Variants in TMEM117 observed in about 807,000 individuals in gnomAD.
TMEM117 encodes the protein transmembrane protein 117.
A neutral mutation model predicts 52.4 loss-of-function variants in TMEM117; 27 were observed. The observed-to-expected ratio is 0.51, with a 90% confidence interval of 0.38 to 0.71. The LOEUF is 0.71. Ranked by LOEUF, TMEM117 falls within the 30% of genes least tolerant of loss-of-function variation. The pLI is 0.00. For missense variants in TMEM117, 556 were observed against 630.5 expected (o/e 0.88, Z 1.26); for synonymous variants, 215 against 206.3 (o/e 1.04, Z -0.36).
chr12:44,123,343 A>G (rs1399524602), intron 3 of TMEM117, among the ~76,000 whole-genome samples: 2 of 151,770 alleles, frequency 1.3e-5, no homozygotes. Context: ...CCCATTCTGT[A>G]GGTTGTCTGT....
At chr12:43,870,102 A>T (rs1943677156) in intron 2 of TMEM117, among the ~76,000 whole-genome samples, 1 of 152,146 alleles carries the variant, frequency 6.6e-6, no homozygotes, top group Admixed American at 6.5e-5. Context: ...ACATGATCTC[A>T]TTCCTTTTTA....
chr12:44,264,938 C>T (rs1239957832), intron 5 of TMEM117, among the ~76,000 whole-genome samples: 1 of 151,948 alleles, frequency 6.6e-6, no homozygotes, highest in East Asian at 1.9e-4. Context: ...TATAATTTGC[C>T]CCAAAAGTGA....
At chr12:43,802,173 T>C in the TMEM117 span, 5 of 636,114 alleles carry the variant, frequency 7.9e-6, no homozygotes, top group Admixed American at 8.1e-5. Context: ...TTCCTCATGA[T>C]CATTCCCTTC....
intron 3 of TMEM117, among the ~76,000 whole-genome samples, chr12:44,017,252 T>TGTGTGTGTGTGTGTGTGTGTGTG (rs1565793575): frequency 3.3e-5 from 5 of 151,686 alleles, no homozygotes; most frequent in Non-Finnish European, 4.4e-5. Context: ...TGTGTGTGTG[T>TGTGTGTGTGTGTGTGTGTGTGTG]TTTAGGTGAT....
intron 3 of TMEM117, among the ~76,000 whole-genome samples, chr12:44,080,485 T>A (rs1947464330): frequency 6.6e-6 from 1 of 152,040 alleles, no homozygotes; most frequent in African/African-American, 2.4e-5. Flanking sequence ...AAATTCAAGA[T>A]GAGATTTGGG....
chr12:44,362,039 G>A (rs1301697523), intron 6 of TMEM117, among the ~76,000 whole-genome samples: 2 of 152,026 alleles, frequency 1.3e-5, no homozygotes, highest in African/African-American at 2.4e-5. Flanking sequence ...CTTTTTCAAG[G>A]GCTAGATCAT....
At chr12:44,039,428 A>G (rs943445987) in intron 3 of TMEM117, among the ~76,000 whole-genome samples, 4 of 150,628 alleles carry the variant, frequency 2.7e-5, no homozygotes, top group Admixed American at 1.3e-4. Context: ...TTATTAGGGC[A>G]GGAGTTCCCA....
At chr12:44,235,435 G>A (rs1163735620) in intron 5 of TMEM117, among the ~76,000 whole-genome samples, 1 of 149,972 alleles carries the variant, frequency 6.7e-6, no homozygotes, top group Non-Finnish European at 1.5e-5. Context: ...TGATATACTT[G>A]GATTTAAATC....
chr12:43,994,070 G>C (rs1321368300), intron 3 of TMEM117, among the ~76,000 whole-genome samples: 1 of 152,122 alleles, frequency 6.6e-6, no homozygotes, highest in African/African-American at 2.4e-5. Context: ...ATATTTTGAT[G>C]TTCTTAATCC....
At chr12:44,008,041 T>G (rs1041128722) in intron 3 of TMEM117, among the ~76,000 whole-genome samples, 1 of 152,134 alleles carries the variant, frequency 6.6e-6, no homozygotes. Context: ...CCTGCAGCAG[T>G]ATGGCACCAG....
intron 2 of TMEM117, among the ~76,000 whole-genome samples, chr12:43,852,778 C>T (rs1200782593): frequency 1.3e-5 from 2 of 152,178 alleles, no homozygotes; most frequent in Non-Finnish European, 2.9e-5. Context: ...AAACTCCTTT[C>T]CTATTATTTA....
intron 3 of TMEM117, among the ~76,000 whole-genome samples, chr12:43,963,015 A>G (rs1393582040): frequency 2.0e-5 from 3 of 151,896 alleles, no homozygotes; most frequent in South Asian, 4.1e-4. Context: ...AGTAATAGGA[A>G]ATTATATATA....
At chr12:44,139,446 G>A (rs959071680) in intron 3 of TMEM117, among the ~76,000 whole-genome samples, 2 of 151,588 alleles carry the variant, frequency 1.3e-5, no homozygotes, top group Non-Finnish European at 2.9e-5. Context: ...TTGTCAAGAT[G>A]TTATGATAAT....
chr12:44,167,716 C>T (rs1029442152), intron 4 of TMEM117, among the ~76,000 whole-genome samples: 2 of 152,108 alleles, frequency 1.3e-5, no homozygotes, highest in Non-Finnish European at 2.9e-5. Context: ...TGTTTCAGCT[C>T]TGCCATTTCA....
intron 3 of TMEM117, among the ~76,000 whole-genome samples, chr12:44,036,550 A>T (rs148324367): frequency 0.013 from 1,907 of 152,312 alleles, 21 homozygotes; most frequent in Middle Eastern, 0.024. Flanking sequence ...AGATATAGCA[A>T]TGTTGCTGTT....
At chr12:43,895,465 G>C (rs1944183797) in intron 2 of TMEM117, among the ~76,000 whole-genome samples, 1 of 152,128 alleles carries the variant, frequency 6.6e-6, no homozygotes, top group Admixed American at 6.6e-5. Flanking sequence ...ACATATGCGT[G>C]CATGTGTCTT....
chr12:43,845,641 C>T (rs566896359), intron 2 of TMEM117, among the ~76,000 whole-genome samples: 6 of 151,924 alleles, frequency 3.9e-5, no homozygotes, highest in South Asian at 2.1e-4. Flanking sequence ...TTGCTGCACC[C>T]GTTAACTCAA....
chr12:43,877,657 T>C lies in TMEM117; in HGVS notation c.277+32729T>C, dbSNP rs116301502. On this transcript the variant is annotated intron_variant, in intron 2 of 7. Transcript: ENST00000266534. ...CTCAAAAAAAAAAAAAAAAGTGTTT[T>C]TGTATAAACATATATGTAATATTTT... 9.0e-3 allele frequency among the ~76,000 whole-genome samples: 1,364 copies of C among 152,004 alleles called. 20 individuals carry two copies. Among genetic ancestry groups the C allele is most frequent in the African/African-American group, 0.03 (1,230 of 41,440 alleles).
At chr12:44,314,657 C>G (rs141122421) in intron 6 of TMEM117, among the ~76,000 whole-genome samples, 2,974 of 151,588 alleles carry the variant, frequency 0.02, 95 homozygotes, top group African/African-American at 0.068. Context: ...ACCTCCGCCT[C>G]CTGGGTTCAA....
Sources: gnomAD v4.1 joint callset for allele counts (sites outside exome capture counted in the v4.1 genomes callset) on GRCh38, gnomAD v4.1.1 for gene constraint, MANE v1.5 for transcripts, NCBI Gene and HGNC (gene_info 2026-07-23, HGNC 2026-07-21) for gene names.